Variants in PIEZO2 observed in about 807,000 individuals in gnomAD.
PIEZO2 encodes piezo-type mechanosensitive ion channel component 2.
A neutral mutation model predicts 337.3 loss-of-function variants in PIEZO2; 172 were observed. The observed-to-expected ratio is 0.51, with a 90% confidence interval of 0.45 to 0.58. The LOEUF is 0.58. Ranked by LOEUF, PIEZO2 falls within the 20% of genes least tolerant of loss-of-function variation. The pLI, the probability that PIEZO2 is intolerant of heterozygous loss-of-function variation, is 0.00. For synonymous variants in PIEZO2, 1,251 were observed against 1,228.5 expected, an observed-to-expected ratio of 1.02 and a Z score of -0.38; for missense variants, 3,028 against 3,391.3, an observed-to-expected ratio of 0.89 and a Z score of 2.66.
At chr18:10,931,713 TGAGAGAGAGAGA>T (rs10603024) in intron 3 of PIEZO2, among the ~76,000 whole-genome samples, 4 of 147,862 alleles carry the variant, frequency 2.7e-5, no homozygotes, top group South Asian at 2.2e-4. Context: ...TGTGTGTGTG[TGAGAGAGAGAGA>T]GAGAGAGAGA....
At chr18:11,087,473 G>T (rs989284662) in intron 1 of PIEZO2, among the ~76,000 whole-genome samples, 9 of 152,120 alleles carry the variant, frequency 5.9e-5, no homozygotes, top group African/African-American at 2.2e-4. Context: ...TCTGAGTATA[G>T]ATAATAAAAA....
At position 11,020,043 on chromosome 18, in the gene PIEZO2, T is replaced by TA. The variant is rs566568688; in HGVS notation, c.161-40384dup. Among the ~76,000 whole-genome samples, 384 of 152,236 alleles carry TA rather than the reference T, an allele frequency of 2.5e-3. 2 individuals carry two copies. The highest frequency in any genetic ancestry group is 9.0e-3 in the African/African-American group (374 of 41,544). On this transcript the variant is annotated intron_variant, in intron 2 of 55. Transcript: ENST00000674853. ...CTTCTGACCCAATAAATCTTCTCTT[T>TA]AAAAAAATTGTATATGAATTAAATT...
intron 7 of PIEZO2, among the ~76,000 whole-genome samples, chr18:10,814,743 G>A (rs1282919485): frequency 6.6e-6 from 1 of 152,136 alleles, no homozygotes; most frequent in Non-Finnish European, 1.5e-5. Flanking sequence ...GGAATTCCCA[G>A]GCAGAGTATT....
At position 10,979,982 on chromosome 18, in the gene PIEZO2, G is replaced by A. The variant is rs990100104; in HGVS notation, c.161-322C>T. Among the ~76,000 whole-genome samples the A allele has an allele frequency of 2.6e-5, 4 of 151,984 alleles. No individual in the cohort carries two copies. Among genetic ancestry groups the A allele is most frequent in the Non-Finnish European group, 1.5e-5 (1 of 68,012 alleles). On this transcript the variant is annotated intron_variant, in intron 2 of 55. Coordinates refer to ENST00000674853, the MANE Select transcript of PIEZO2 (RefSeq NM_001378183.1). This position sits in a 1 kb window ranked among gnomAD's most constrained non-coding sequence, Gnocchi z 4.0. ...CAAGGAAGTGCTGCCAACTTTGAAG[G>A]GACAGATAACTCCTGTCTTAGAAAA... is the stretch of plus-strand genomic sequence containing the variant.
intron 7 of PIEZO2, among the ~76,000 whole-genome samples, chr18:10,827,391 T>C (rs1462222748): frequency 6.6e-6 from 1 of 152,240 alleles, no homozygotes; most frequent in Non-Finnish European, 1.5e-5. Context: ...ATTAAAATCC[T>C]TTATAACAAA....
Position 10,726,283 on chromosome 18 carries a change from G to T in PIEZO2, c.5029+5124C>A. ...TGTTCGGGAGCATGAGAATGGAAGCGTCGCGGCCAGAGCCCCGGCCAGGTG... is the reference window on the plus strand; with the variant it reads ...TGTTCGGGAGCATGAGAATGGAAGCTTCGCGGCCAGAGCCCCGGCCAGGTG... On this transcript the variant is annotated intron_variant, in intron 36 of 55. Transcript: ENST00000674853. This position sits in a 1 kb window ranked among gnomAD's most constrained non-coding sequence, Gnocchi z 5.9. 4.4e-6 allele frequency: 4 copies of T among 906,184 alleles called. No individual in the cohort carries two copies. Among genetic ancestry groups the T allele is most frequent in the Non-Finnish European group, 6.8e-6 (4 of 584,194 alleles). The allele number at this position is 906,184 out of a possible 1,614,324, so 56.1% of individuals were successfully genotyped here.
chr18:11,066,136 T>C lies in PIEZO2; in HGVS notation c.151A>G (p.Thr51Ala). 6.5e-7 allele frequency: 1 copy of C among 1,532,274 alleles called. No homozygotes were observed. Among genetic ancestry groups the C allele is most frequent in the Non-Finnish European group, 8.8e-7 (1 of 1,142,436 alleles). The allele number at this position is 1,532,274 out of a possible 1,614,324, so 94.9% of individuals were successfully genotyped here. The change falls in exon 2 of 56, where the codon ACG becomes GCG. Residue 51 changes from threonine to alanine, a missense_variant. Transcript: ENST00000674853. Reference protein sequence around the residue: ...IPLFSEPTKTTMQGHTGRLLK... With the variant: ...IPLFSEPTKTAMQGHTGRLLK... ...AACAAAATTCTCTTACCTTGCATCG[T>C]CGTTTTTGTTGGTTCTGAGAACAGA...
chr18:10,686,967 T>G (rs2034571174), intron 49 of PIEZO2, among the ~76,000 whole-genome samples: 1 of 152,176 alleles, frequency 6.6e-6, no homozygotes, highest in African/African-American at 2.4e-5. Flanking sequence ...GATAAAAATG[T>G]AGATGCTTTC....
At position 11,078,023 on chromosome 18, in the gene PIEZO2, C is replaced by T. The variant is rs1256374992; in HGVS notation, c.65-11801G>A. The stretch of plus-strand genomic sequence containing the variant: ...ACACATACACGCAAAAACACATGTG[C>T]GTGCACACACACCCACACACACCCA... On this transcript the variant is annotated intron_variant, in intron 1 of 55. Transcript: ENST00000674853. The surrounding 1 kb of genome is among the most constrained non-coding windows in gnomAD (Gnocchi z 5.3). Among the ~76,000 whole-genome samples, 5 of 142,162 alleles carry T rather than the reference C, an allele frequency of 3.5e-5. No individual in the cohort carries two copies. Among genetic ancestry groups the T allele is most frequent in the Non-Finnish European group, 6.0e-5 (4 of 66,426 alleles). The allele number at this position is 142,162 out of a possible 152,430, so 93.3% of individuals were successfully genotyped here.
intron 1 of PIEZO2, 131 bp from the exon 2 acceptor site, chr18:11,066,353 T>C: frequency 1.6e-6 from 1 of 629,842 alleles, no homozygotes; most frequent in Non-Finnish European, 2.8e-6. Context: ...AATAGATATG[T>C]CAATTAAACA....
intron 29 of PIEZO2, among the ~76,000 whole-genome samples, chr18:10,749,826 C>T (rs974019344): frequency 6.6e-6 from 1 of 152,168 alleles, no homozygotes; most frequent in Non-Finnish European, 1.5e-5. Context: ...GGAGTTACTA[C>T]AGCACTACAT....
In PIEZO2 at chr18:10,870,854, G is replaced by C. The variant is rs948159077; in HGVS notation, c.492+399C>G. 6.6e-6 allele frequency among the ~76,000 whole-genome samples: 1 copy of C among 152,166 alleles called. No homozygotes were observed. The highest frequency in any genetic ancestry group is 6.5e-5 in the Admixed American group (1 of 15,274). On this transcript the variant is annotated intron_variant, in intron 5 of 55. Coordinates refer to ENST00000674853, the MANE Select transcript of PIEZO2 (RefSeq NM_001378183.1). This position sits in a 1 kb window ranked among gnomAD's most constrained non-coding sequence, Gnocchi z 5.3. ...AGACTGGAAAGCTGCCCTGCAAGGAGGAACTCATTTTTTTCCCTAAAACTA... is the reference window on the plus strand; with the variant it reads ...AGACTGGAAAGCTGCCCTGCAAGGACGAACTCATTTTTTTCCCTAAAACTA...
At position 10,698,936 on chromosome 18, in the gene PIEZO2, C is replaced by T. The variant is rs1347271554; in HGVS notation, c.6683G>A (p.Arg2228Lys). The change falls in exon 44 of 56, where the codon AGA becomes AAA. Residue 2228 changes from arginine (R) to lysine (K), a missense_variant. Physicochemically the swap from Arg to Lys is conservative, Grantham distance 26. This residue lies in a region of PIEZO2 where 1,925 missense variants were observed against 2,051.9 expected (regional missense o/e 0.94). Transcript: ENST00000674853. ...PSQRSSFSSN[R>K]SQRGSTSTRN... ...GTGTCGACAGATACCTCTTTGGGAT[C>T]TGTTTGAAGAAAAGCTGGATCTCTG... The T allele has an allele frequency of 3.9e-6, 6 of 1,536,376 alleles. No homozygotes were observed. The East Asian group carries it at 1.5e-4, about 38-fold the overall frequency.
chr18:10,899,916 T>C lies in PIEZO2; in HGVS notation c.329+11270A>G, dbSNP rs554923011. ...TTGTCATTCATTAACTCGAAGACTG[T>C]TTATATTAGTCATAATGATCCAATT... On this transcript the variant is annotated intron_variant, in intron 4 of 55. Coordinates refer to ENST00000674853, the MANE Select transcript of PIEZO2 (RefSeq NM_001378183.1). The surrounding 1 kb of genome is among the most constrained non-coding windows in gnomAD (Gnocchi z 4.6). Among the ~76,000 whole-genome samples the C allele has an allele frequency of 3.2e-4, 49 of 152,312 alleles. No homozygotes were observed. The highest frequency in any genetic ancestry group is 1.1e-3 in the African/African-American group (47 of 41,566).
chr18:11,018,523 T>C (rs1037555636), intron 2 of PIEZO2, among the ~76,000 whole-genome samples: 4 of 151,992 alleles, frequency 2.6e-5, no homozygotes, highest in Admixed American at 6.5e-5. Context: ...TTTGACGTAA[T>C]TGTGGTGTCT....
chr18:10,873,517 A>G (rs1467280018), intron 4 of PIEZO2, among the ~76,000 whole-genome samples: 1 of 152,114 alleles, frequency 6.6e-6, no homozygotes, highest in Non-Finnish European at 1.5e-5. Flanking sequence ...TAAGTTCATT[A>G]TTTACCTACT....
chr18:11,120,336 T>C (rs189307445), intron 1 of PIEZO2, among the ~76,000 whole-genome samples: 11 of 152,206 alleles, frequency 7.2e-5, no homozygotes, highest in Non-Finnish European at 1.3e-4. Flanking sequence ...CTCAAAAAGA[T>C]ATGGTTTGTT....
intron 35 of PIEZO2, among the ~76,000 whole-genome samples, chr18:10,734,361 A>G (rs995652271): frequency 1.3e-5 from 2 of 152,104 alleles, no homozygotes; most frequent in Non-Finnish European, 2.9e-5. Context: ...TTCACATGAG[A>G]GTTTGAGGGA....
In PIEZO2 at chr18:10,676,502, TATATA is replaced by T; in HGVS notation, c.8082-1219_8082-1215del. 6.6e-6 allele frequency among the ~76,000 whole-genome samples: 1 copy of T among 152,374 alleles called. No homozygotes were observed. Among genetic ancestry groups the T allele is most frequent in the African/African-American group, 2.4e-5 (1 of 41,586 alleles). ...TAAGTGGCAGGATAGTATTTTGAGA[TATATA>T]ATATGTTTTTTTCCAAATTTCCTTT... On this transcript the variant is annotated intron_variant, in intron 53 of 55. Coordinates refer to ENST00000674853, the MANE Select transcript of PIEZO2 (RefSeq NM_001378183.1). This position sits in a 1 kb window ranked among gnomAD's most constrained non-coding sequence, Gnocchi z 5.1.
Sources: gnomAD v4.1 joint callset for allele counts (sites outside exome capture counted in the v4.1 genomes callset) on GRCh38, gnomAD v4.1.1 for gene constraint, gnomAD v4.1.1 regional missense constraint, Gnocchi (gnomAD v3.1) non-coding constraint, MANE v1.5 for transcripts, NCBI Gene and HGNC (gene_info 2026-07-23, HGNC 2026-07-21) for gene names.